Variants in RBM6 observed in about 807,000 individuals in gnomAD.
RBM6 encodes the protein RNA-binding protein 6.
Under a neutral mutation model 140.4 loss-of-function variants are expected in RBM6, and 23 were observed. That is an observed-to-expected ratio of 0.16 (90% CI 0.12 to 0.23). The LOEUF (loss-of-function observed/expected upper bound fraction) is 0.23, where lower values mean the gene tolerates loss of function less well. Among genes scored for constraint, RBM6 ranks in the 10% least tolerant of loss-of-function variants. The pLI, the probability that RBM6 is intolerant of heterozygous loss-of-function variation, is 1.00. For synonymous variants in RBM6, 439 were observed against 475.6 expected (o/e 0.92, Z 1.00); for missense variants, 1,139 against 1,386.7 (o/e 0.82, Z 2.84).
chr3:49,984,660 C>T (rs373456054), intron 5 of RBM6, among the ~76,000 whole-genome samples: 10 of 141,170 alleles, frequency 7.1e-5, no homozygotes, highest in Admixed American at 2.2e-4. Flanking sequence ...CGCATCGCAT[C>T]GCATTGCATC....
At chr3:49,954,007 A>G (rs980469804) in intron 1 of RBM6, among the ~76,000 whole-genome samples, 1 of 151,980 alleles carries the variant, frequency 6.6e-6, no homozygotes, top group South Asian at 2.1e-4. Flanking sequence ...ATGGTAGTGC[A>G]CATTTGTAGT....
At chr3:50,068,587 CAAAAGAG>C in intron 17 of RBM6, 96 bp from the exon 18 acceptor site, 1 of 1,020,892 alleles carries the variant, frequency 9.8e-7, no homozygotes, top group Non-Finnish European at 1.5e-6. Flanking sequence ...TCTGATCAAT[CAAAAGAG>C]CTACAATCCA....
chr3:49,944,506 G>A (rs1486189552), intron 1 of RBM6, among the ~76,000 whole-genome samples: 1 of 138,156 alleles, frequency 7.2e-6, no homozygotes, highest in African/African-American at 2.8e-5. Context: ...AGACAGTATC[G>A]CTCTTGTCAC....
intron 11 of RBM6, among the ~76,000 whole-genome samples, chr3:50,060,483 C>A (rs187764498): frequency 6.6e-6 from 1 of 151,822 alleles, no homozygotes; most frequent in African/African-American, 2.4e-5. Context: ...CGTGGTGGCT[C>A]ACGCCTGTAA....
chr3:49,962,012 C>G (rs928854969), intron 1 of RBM6, among the ~76,000 whole-genome samples: 2 of 151,710 alleles, frequency 1.3e-5, no homozygotes, highest in African/African-American at 4.8e-5. Context: ...AAAAAATTAG[C>G]TGGGCGGCCG....
intron 6 of RBM6, among the ~76,000 whole-genome samples, chr3:50,017,849 C>T (rs2087251441): frequency 6.6e-6 from 1 of 152,126 alleles, no homozygotes; most frequent in African/African-American, 2.4e-5. Flanking sequence ...GAAATCATTG[C>T]CTAGACCAGT....
intron 6 of RBM6, among the ~76,000 whole-genome samples, chr3:50,026,023 G>T (rs2087795550): frequency 6.6e-6 from 1 of 152,066 alleles, no homozygotes; most frequent in Non-Finnish European, 1.5e-5. Context: ...GATGGAGGTT[G>T]CAGTGAACCA....
intron 6 of RBM6, among the ~76,000 whole-genome samples, chr3:50,010,688 A>G (rs957388363): frequency 4.6e-5 from 7 of 152,010 alleles, no homozygotes; most frequent in Admixed American, 2.0e-4. Context: ...AGATCACCTG[A>G]GGTCAGGAGT....
chr3:50,031,023 T>C (rs2088121969), intron 6 of RBM6, among the ~76,000 whole-genome samples: 1 of 152,188 alleles, frequency 6.6e-6, no homozygotes. Context: ...TATAGGTGGC[T>C]CACGCCTATA....
At chr3:49,951,196 A>G (rs1415476486) in intron 1 of RBM6, among the ~76,000 whole-genome samples, 1 of 152,154 alleles carries the variant, frequency 6.6e-6, no homozygotes, top group African/African-American at 2.4e-5. Context: ...GGGATGAATC[A>G]GCAGTTACTA....
chr3:50,059,489 C>A, intron 10 of RBM6, 160 bp from the exon 11 acceptor site: 1 of 538,116 alleles, frequency 1.9e-6, no homozygotes, highest in Non-Finnish European at 3.2e-6. Context: ...CCTGTTTCTG[C>A]CAGTATGCTC....
chr3:50,062,740 T>C (rs941477669), intron 15 of RBM6, among the ~76,000 whole-genome samples: 4 of 152,152 alleles, frequency 2.6e-5, no homozygotes, highest in African/African-American at 9.7e-5. Flanking sequence ...AGATACTGTT[T>C]AGTCACTTTT....
chr3:50,065,240 T>A (rs1261520820), intron 16 of RBM6, 114 bp downstream of exon 16: 13 of 743,890 alleles, frequency 1.7e-5, no homozygotes, highest in Non-Finnish European at 1.1e-5. Context: ...TACCTCACTA[T>A]GTCTCCCGAA....
chr3:50,030,277 T>C (rs541090677), intron 6 of RBM6, among the ~76,000 whole-genome samples: 2 of 115,342 alleles, frequency 1.7e-5, no homozygotes, highest in South Asian at 6.9e-4. Context: ...AGTGAGACTC[T>C]TTTTGTCTTA....
At chr3:50,066,170 CA>C in intron 16 of RBM6, 71 bp from the exon 17 acceptor site, 1 of 1,468,004 alleles carries the variant, frequency 6.8e-7, no homozygotes, top group South Asian at 1.4e-5. Context: ...ATGCCCATAT[CA>C]GAATATCAAA....
chr3:49,968,521 G>T lies in RBM6; in HGVS notation c.1096G>T (p.Asp366Tyr). The change falls in exon 3 of 21, where the codon GAC (aspartate) becomes TAC (tyrosine). Residue 366 changes from aspartate to tyrosine, a missense_variant. Physicochemically the swap from Asp to Tyr is radical, Grantham distance 160. Coordinates refer to ENST00000266022, the MANE Select transcript of RBM6 (RefSeq NM_005777.3). Reference sequence around the variant, plus strand: ...TCAGAACAGCCAAAGTCCAGTTCAAGACCAAGATAAGTCACAGCTTTCTGG... The same window carrying T: ...TCAGAACAGCCAAAGTCCAGTTCAATACCAAGATAAGTCACAGCTTTCTGG... ...DFQNSQSPVQ[D>Y]QDKSQLSGRE... 2 of 1,614,196 alleles carry T rather than the reference G, an allele frequency of 1.2e-6. No homozygotes were observed. The highest frequency in any genetic ancestry group is 1.7e-6 in the Non-Finnish European group (2 of 1,180,044).
chr3:49,964,108 T>C (rs960636462), intron 2 of RBM6, among the ~76,000 whole-genome samples: 4 of 152,006 alleles, frequency 2.6e-5, no homozygotes, highest in African/African-American at 9.7e-5. Context: ...CGTTTCACCA[T>C]GTTGGCCAGG....
chr3:50,022,328 C>T (rs1168035219), intron 6 of RBM6, among the ~76,000 whole-genome samples: 11 of 150,258 alleles, frequency 7.3e-5, no homozygotes, highest in Non-Finnish European at 1.2e-4. Context: ...TTTAGTTTTT[C>T]TTCTTTCTTT....
chr3:50,063,353 T>A (rs2090009277), intron 15 of RBM6, among the ~76,000 whole-genome samples: 2 of 152,126 alleles, frequency 1.3e-5, no homozygotes, highest in Admixed American at 6.6e-5. Flanking sequence ...ACACCTGTAA[T>A]CCCAGCACGT....
Sources: gnomAD v4.1 joint callset for allele counts (sites outside exome capture counted in the v4.1 genomes callset) on GRCh38, gnomAD v4.1.1 for gene constraint, MANE v1.5 for transcripts, NCBI Gene and HGNC (gene_info 2026-07-23, HGNC 2026-07-21) for gene names.